KLHL24: variants seen among roughly 807,000 people sequenced by gnomAD.
KLHL24 encodes the protein kelch like family member 24.
Under a neutral mutation model 53.4 loss-of-function variants are expected in KLHL24, and 29 were observed. That is an observed-to-expected ratio of 0.54 (90% CI 0.40 to 0.74). The LOEUF (loss-of-function observed/expected upper bound fraction) is 0.74. KLHL24 is among the 30% of genes least tolerant of loss of function. The probability of loss-of-function intolerance (pLI) is 0.00; values close to 1 mark genes in which losing one functional copy is unlikely to be tolerated. For missense variants in KLHL24, 504 were observed against 744.0 expected, an observed-to-expected ratio of 0.68 and a Z score of 3.75; for synonymous variants, 222 against 253.7, an observed-to-expected ratio of 0.88 and a Z score of 1.19.
intron 1 of KLHL24, among the ~76,000 whole-genome samples, chr3:183,639,170 G>C (rs892048935): frequency 7.3e-5 from 11 of 151,188 alleles, no homozygotes; most frequent in African/African-American, 2.4e-4. Flanking sequence ...ATTGCACTCC[G>C]GCCTGGGCAA....
intron 3 of KLHL24, among the ~76,000 whole-genome samples, chr3:183,660,177 C>G (rs9811172): frequency 0.33 from 50,060 of 149,530 alleles, 9,237 homozygotes; most frequent in African/African-American, 0.49. Context: ...TGTCACCCAG[C>G]CTAGAGTGCA....
chr3:183,648,436 G>A (rs1282963336), intron 2 of KLHL24, among the ~76,000 whole-genome samples: 2 of 152,216 alleles, frequency 1.3e-5, no homozygotes, highest in African/African-American at 4.8e-5. Context: ...TGTGGCTTGC[G>A]AATGTAGGAT....
chr3:183,661,984 T>C (rs1243448409), intron 3 of KLHL24, among the ~76,000 whole-genome samples: 1 of 152,192 alleles, frequency 6.6e-6, no homozygotes, highest in East Asian at 1.9e-4. Context: ...GATAGATAAG[T>C]CAGTAGTTAT....
intron 3 of KLHL24, among the ~76,000 whole-genome samples, chr3:183,659,279 GT>G (rs1298078728): frequency 6.6e-6 from 1 of 152,154 alleles, no homozygotes; most frequent in African/African-American, 2.4e-5. Context: ...ACACCTACCT[GT>G]AATCCCAGCA....
chr3:183,674,840 A>G (rs146593605), intron 7 of KLHL24, among the ~76,000 whole-genome samples: 1 of 152,282 alleles, frequency 6.6e-6, no homozygotes, highest in East Asian at 1.9e-4. Flanking sequence ...TGTAGTCTCT[A>G]AACAGATCAT....
chr3:183,666,436 A>AT (rs1457542229), intron 5 of KLHL24, among the ~76,000 whole-genome samples: 3 of 151,832 alleles, frequency 2.0e-5, no homozygotes, highest in South Asian at 4.2e-4. Flanking sequence ...CTAATTTTGT[A>AT]TTTTTTGTAG....
chr3:183,671,055 G>A lies in KLHL24; in HGVS notation c.1246G>A (p.Asp416Asn), dbSNP rs138222238. 14 of 1,613,520 alleles carry A rather than the reference G, an allele frequency of 8.7e-6. No individual in the cohort carries two copies. Among genetic ancestry groups the A allele is most frequent in the Non-Finnish European group, 1.2e-5 (14 of 1,179,698 alleles). ...LGKVYVVGGY[D>N]GQNRLSSVEC... is the part of the protein sequence containing the mutation. Reference sequence around the variant, plus strand: ...ATAGGTATATGTTGTCGGTGGCTATGATGGGCAAAACAGACTTAGCAGCGT... The same window carrying A: ...ATAGGTATATGTTGTCGGTGGCTATAATGGGCAAAACAGACTTAGCAGCGT... The change falls in exon 6 of 8, where the codon GAT (aspartate) becomes AAT (asparagine). Residue 416 changes from aspartate to asparagine, a missense_variant. Asp to Asn is a conservative substitution (Grantham distance 23). Transcript: ENST00000242810.
intron 5 of KLHL24, among the ~76,000 whole-genome samples, chr3:183,667,589 A>G (rs892972128): frequency 6.6e-6 from 1 of 151,936 alleles, no homozygotes; most frequent in African/African-American, 2.4e-5. Context: ...AAACCATCCC[A>G]TCCCCGACCA....
rs1302446050 is a variant in KLHL24 at position 183,672,356 on chromosome 3, A to T, written c.1474A>T (p.Lys492Ter). 1 of 1,611,684 alleles carries T rather than the reference A, an allele frequency of 6.2e-7. No individual in the cohort carries two copies. Among genetic ancestry groups the T allele is most frequent in the South Asian group, 1.1e-5 (1 of 90,686 alleles). ...ACTTCGTGCAGCTATCCCAATTGCC[A>T]AAAGGTGTATAACAGCTGTATCCCT... ...WLLRAAIPIA[K>*]RCITAVSLNN... Residue 492 changes from lysine to a stop codon, truncating the protein, a stop_gained, in exon 7 of 8, where the codon AAA becomes TAA. Transcript: ENST00000242810. LOFTEE classifies it high-confidence loss of function.
intron 1 of KLHL24, among the ~76,000 whole-genome samples, chr3:183,637,942 A>ATGGC (rs1715626576): frequency 6.6e-6 from 1 of 152,228 alleles, no homozygotes; most frequent in African/African-American, 2.4e-5. Flanking sequence ...TGCAGGCGTG[A>ATGGC]GCCACCGTGC....
chr3:183,650,311 C>A lies in KLHL24; in HGVS notation c.-46C>A, dbSNP rs1240668946. 5 of 1,451,456 alleles carry A rather than the reference C, an allele frequency of 3.4e-6. No individual in the cohort carries two copies. In the Admixed American group the frequency reaches 6.1e-5, roughly 18 times the overall value. The allele number at this position is 1,451,456 out of a possible 1,614,324, so 89.9% of individuals were successfully genotyped here. On this transcript the variant is annotated 5_prime_UTR_variant, in exon 3 of 8. Transcript: ENST00000242810. This position sits in a 1 kb window ranked among gnomAD's most constrained non-coding sequence, Gnocchi z 4.5. ...TTACTTTTAGCCACATAAAGAAGAT[C>A]CCTAATAGTCATTTCTCAACAATTA... is the stretch of plus-strand genomic sequence containing the variant.
At chr3:183,670,550 C>T (rs932037454) in intron 5 of KLHL24, among the ~76,000 whole-genome samples, 1 of 152,184 alleles carries the variant, frequency 6.6e-6, no homozygotes, top group African/African-American at 2.4e-5. Context: ...CCAGCACTCT[C>T]ATAGTCTAGT....
chr3:183,657,473 G>A (rs887618003), intron 3 of KLHL24, among the ~76,000 whole-genome samples: 6 of 152,214 alleles, frequency 3.9e-5, no homozygotes, highest in African/African-American at 7.2e-5. Flanking sequence ...GCCGTAATGA[G>A]GGCAAGCCTC....
At chr3:183,677,518 A>G (rs1479791981) in intron 7 of KLHL24, among the ~76,000 whole-genome samples, 1 of 152,220 alleles carries the variant, frequency 6.6e-6, no homozygotes, top group Non-Finnish European at 1.5e-5. Context: ...AGACCTAAAG[A>G]TAGTATCCTT....
intron 7 of KLHL24, among the ~76,000 whole-genome samples, chr3:183,674,259 CTTTCTT>C (rs1327883141): frequency 6.8e-6 from 1 of 146,670 alleles, no homozygotes; most frequent in East Asian, 2.0e-4. Flanking sequence ...TTCTTTCTTT[CTTTCTT>C]TCTTTCTTTC....
chr3:183,664,628 C>G (rs1720266305), intron 4 of KLHL24, among the ~76,000 whole-genome samples: 1 of 150,948 alleles, frequency 6.6e-6, no homozygotes, highest in Non-Finnish European at 1.5e-5. Flanking sequence ...CTTCTGATGT[C>G]TTACTCTTAA....
intron 3 of KLHL24, among the ~76,000 whole-genome samples, chr3:183,658,028 C>T (rs1421120937): frequency 2.0e-5 from 3 of 152,050 alleles, no homozygotes; most frequent in Non-Finnish European, 2.9e-5. Context: ...GCCTGACCAA[C>T]ATGGTGAAAC....
In KLHL24 at chr3:183,681,942, C is replaced by T. The variant is rs1227025241; in HGVS notation, c.*2656C>T. 6.6e-6 allele frequency: 1 copy of T among 152,398 alleles called. No homozygotes were observed. Among genetic ancestry groups the T allele is most frequent in the Admixed American group, 6.6e-5 (1 of 15,260 alleles). 9.4% of individuals were successfully genotyped at this position (152,398 alleles called of 1,614,324 possible). ...TGTAGATAGTATGGTTGTATACACA[C>T]ATATATACCAAACACCATGAATTTT... On this transcript the variant is annotated 3_prime_UTR_variant, in exon 8 of 8. Coordinates refer to ENST00000242810, the MANE Select transcript of KLHL24 (RefSeq NM_017644.3).
At chr3:183,672,623 G>A (rs528803777) in intron 7 of KLHL24, 139 bp downstream of exon 7, 2 of 526,070 alleles carry the variant, frequency 3.8e-6, no homozygotes, top group African/African-American at 3.9e-5. Flanking sequence ...CCAGCACTTT[G>A]GGAGGCCGAG....
Sources: allele counts gnomAD v4.1 joint callset (sites outside exome capture counted in the v4.1 genomes callset), GRCh38; gene constraint gnomAD v4.1.1; non-coding constraint Gnocchi (gnomAD v3.1); transcripts MANE v1.5; gene names NCBI Gene and HGNC (gene_info 2026-07-23, HGNC 2026-07-21).